MEIKIN: variants seen among roughly 807,000 people sequenced by gnomAD.
MEIKIN encodes the protein meiotic kinetochore factor.
At chr5:131,866,244 T>C (rs1048304775) in intron 9 of MEIKIN, among the ~76,000 whole-genome samples, 1 of 152,194 alleles carries the variant, frequency 6.6e-6, no homozygotes. Flanking sequence ...GTGGTGGTAG[T>C]GGCAGGTTGA....
At chr5:131,909,176 G>A (rs757716811) in intron 8 of MEIKIN, among the ~76,000 whole-genome samples, 11 of 152,034 alleles carry the variant, frequency 7.2e-5, no homozygotes, top group South Asian at 2.1e-4. Context: ...ATACTATGGC[G>A]CTACAGTAAC....
chr5:131,819,497 T>C (rs1439097730), intron 11 of MEIKIN, among the ~76,000 whole-genome samples: 2 of 149,598 alleles, frequency 1.3e-5, no homozygotes, highest in Non-Finnish European at 3.0e-5. Context: ...AGCAATGCCA[T>C]GTCTTTCAGA....
intron 9 of MEIKIN, among the ~76,000 whole-genome samples, chr5:131,862,026 T>C (rs1172590227): frequency 6.6e-6 from 1 of 152,190 alleles, no homozygotes; most frequent in East Asian, 1.9e-4. Context: ...GGAAGACTGG[T>C]ATTAGTTTTT....
chr5:131,826,721 G>A (rs956775123), intron 11 of MEIKIN, among the ~76,000 whole-genome samples: 1 of 151,966 alleles, frequency 6.6e-6, no homozygotes, highest in African/African-American at 2.4e-5. Context: ...TGGTTGATAC[G>A]TGTGTGGCAC....
chr5:131,835,492 G>T (rs1749789934), intron 11 of MEIKIN, among the ~76,000 whole-genome samples: 1 of 152,022 alleles, frequency 6.6e-6, no homozygotes, highest in African/African-American at 2.4e-5. Context: ...GTTTTATTAT[G>T]ATTTCAGGTC....
rs576368865 is a variant in MEIKIN, at chr5:131,878,546, G to T, written c.774+432C>A. Among the ~76,000 whole-genome samples the T allele has an allele frequency of 2.6e-5, 4 of 152,166 alleles. 1 individual carries two copies. The South Asian group carries it at 8.3e-4, about 32-fold the overall frequency. ...CATGCCACTGCACTCCACCCTGGAT[G>T]ACAGAGTGAAACTCTGTCTCAAAAA... On this transcript the variant is annotated intron_variant, in intron 9 of 12. Transcript: ENST00000442687.
intron 4 of MEIKIN, among the ~76,000 whole-genome samples, chr5:131,941,824 T>C (rs1580918442): frequency 6.6e-6 from 1 of 152,248 alleles, no homozygotes; most frequent in African/African-American, 2.4e-5. Context: ...CACTACCTTG[T>C]ATCCAGTTAC....
At chr5:131,878,857 A>C (rs977731444) in intron 9 of MEIKIN, 121 bp downstream of exon 9, 1 of 375,500 alleles carries the variant, frequency 2.7e-6, no homozygotes, top group South Asian at 1.5e-4. Context: ...CCTGGGTGAC[A>C]GAATGAGACC....
At chr5:131,822,933 G>T (rs865832727) in intron 11 of MEIKIN, among the ~76,000 whole-genome samples, 2 of 123,402 alleles carry the variant, frequency 1.6e-5, no homozygotes, top group Middle Eastern at 4.6e-3. Flanking sequence ...ATGCTTAAAG[G>T]ATTTTTTTTT....
intron 9 of MEIKIN, among the ~76,000 whole-genome samples, chr5:131,872,711 G>T (rs1319508909): frequency 1.3e-5 from 2 of 151,790 alleles, no homozygotes; most frequent in African/African-American, 4.8e-5. Flanking sequence ...TTCACCAAGG[G>T]TGAAATGAAG....
intron 9 of MEIKIN, among the ~76,000 whole-genome samples, chr5:131,872,971 C>T (rs867547575): frequency 2.0e-3 from 284 of 140,678 alleles, no homozygotes; most frequent in South Asian, 3.2e-3. Flanking sequence ...CACCACCAGG[C>T]CTGCCCTAAA....
At chr5:131,887,491 A>G (rs1750820483) in intron 8 of MEIKIN, among the ~76,000 whole-genome samples, 1 of 152,064 alleles carries the variant, frequency 6.6e-6, no homozygotes, top group African/African-American at 2.4e-5. Context: ...CATCCTCTCT[A>G]GCATCTGTTG....
intron 8 of MEIKIN, among the ~76,000 whole-genome samples, chr5:131,884,410 C>T (rs1030650438): frequency 3.3e-5 from 5 of 151,930 alleles, no homozygotes; most frequent in East Asian, 2.0e-4. Context: ...TCCCAGACAA[C>T]GTTTCTAGAC....
At chr5:131,930,717 C>T (rs1201036746) in intron 5 of MEIKIN, among the ~76,000 whole-genome samples, 1 of 152,132 alleles carries the variant, frequency 6.6e-6, no homozygotes, top group Non-Finnish European at 1.5e-5. Flanking sequence ...TAACATCAAA[C>T]TCCTTGGCTC....
At chr5:131,902,417 A>G (rs1400133040) in intron 8 of MEIKIN, among the ~76,000 whole-genome samples, 2 of 151,878 alleles carry the variant, frequency 1.3e-5, no homozygotes, top group African/African-American at 4.8e-5. Flanking sequence ...TGGGTGACAG[A>G]GTGAGATCTT....
At chr5:131,890,790 T>C (rs1750898019) in intron 8 of MEIKIN, among the ~76,000 whole-genome samples, 1 of 152,214 alleles carries the variant, frequency 6.6e-6, no homozygotes, top group African/African-American at 2.4e-5. Flanking sequence ...GCCTCTCTAG[T>C]TCTTTTAATT....
In MEIKIN at chr5:131,846,366, C is replaced by T. The variant is rs151239102; in HGVS notation, c.975+4898G>A. Among the ~76,000 whole-genome samples the T allele has an allele frequency of 2.0e-3, 301 of 152,134 alleles. 4 individuals carry two copies. The highest frequency in any genetic ancestry group is 3.7e-3 in the South Asian group (18 of 4,824). On this transcript the variant is annotated intron_variant, in intron 11 of 12. Coordinates refer to ENST00000442687, the MANE Select transcript of MEIKIN (RefSeq NM_001303622.2). ...TCTAAATAAAGGCAAATAGAAGGGG[C>T]AATTATAAAAGCTACTATTATTATA...
chr5:131,882,625 C>T (rs907159273), intron 8 of MEIKIN, among the ~76,000 whole-genome samples: 5 of 152,116 alleles, frequency 3.3e-5, no homozygotes, highest in Admixed American at 6.5e-5. Context: ...CATGTCATCC[C>T]TCTGCTCTAA....
At chr5:131,835,696 C>T (rs1749793745) in intron 11 of MEIKIN, among the ~76,000 whole-genome samples, 1 of 152,164 alleles carries the variant, frequency 6.6e-6, no homozygotes. Context: ...CGAGTTCACG[C>T]CATTCTCCTG....
Sources: gnomAD v4.1 joint callset for allele counts (sites outside exome capture counted in the v4.1 genomes callset) on GRCh38, gnomAD v4.1.1 for gene constraint, MANE v1.5 for transcripts, NCBI Gene and HGNC (gene_info 2026-07-23, HGNC 2026-07-21) for gene names.